NTRK2: variants seen among roughly 807,000 people sequenced by gnomAD.
NTRK2 encodes BDNF/NT-3 growth factors receptor.
Under a neutral mutation model 94.5 loss-of-function variants are expected in NTRK2, and 13 were observed. The observed-to-expected ratio is 0.14, with a 90% confidence interval of 0.09 to 0.22. The LOEUF (loss-of-function observed/expected upper bound fraction) is 0.22. Ranked by LOEUF, NTRK2 falls within the 10% of genes least tolerant of loss-of-function variation. NTRK2 has a pLI of 1.00. For synonymous variants in NTRK2, 372 were observed against 407.4 expected (o/e 0.91, Z 1.05); for missense variants, 639 against 1,071.2 (o/e 0.60, Z 5.63).
At chr9:84,678,400 TCG>T (rs2059188450) in intron 2 of NTRK2, among the ~76,000 whole-genome samples, 1 of 152,340 alleles carries the variant, frequency 6.6e-6, no homozygotes, top group East Asian at 1.9e-4. Flanking sequence ...TTGAAAGGTA[TCG>T]GAATTTTGGT....
intron 17 of NTRK2, among the ~76,000 whole-genome samples, chr9:84,997,111 T>A (rs1476426102): frequency 1.3e-5 from 2 of 152,198 alleles, no homozygotes; most frequent in Non-Finnish European, 2.9e-5. Context: ...GTAAAGCCAG[T>A]GTCTATCAGC....
intron 12 of NTRK2, among the ~76,000 whole-genome samples, chr9:84,758,614 C>T (rs2065279293): frequency 6.6e-6 from 1 of 152,190 alleles, no homozygotes; most frequent in Non-Finnish European, 1.5e-5. Flanking sequence ...TAGTCTCAAA[C>T]TCCCGACCTC....
intron 12 of NTRK2, among the ~76,000 whole-genome samples, chr9:84,854,859 A>C (rs1037022047): frequency 6.8e-6 from 1 of 147,470 alleles, no homozygotes; most frequent in Non-Finnish European, 1.5e-5. Flanking sequence ...AGGCAGGAGA[A>C]TTGCTTAAAC....
In NTRK2 at chr9:84,832,917, C is replaced by T. The variant is rs76733147; in HGVS notation, c.1397-28123C>T. Among the ~76,000 whole-genome samples the T allele has an allele frequency of 7.0e-4, 106 of 152,194 alleles. 3 individuals carry two copies. In the East Asian group the frequency reaches 0.018, roughly 26 times the overall value. On this transcript the variant is annotated intron_variant, in intron 12 of 18. Transcript: ENST00000277120. ...CATAGATAATATCGGCAGCCACCCCCGCACCTGGATAGATTGGATGCGGGC... is the reference window on the plus strand; with the variant it reads ...CATAGATAATATCGGCAGCCACCCCTGCACCTGGATAGATTGGATGCGGGC...
chr9:84,998,578 G>A (rs531017923), intron 17 of NTRK2, among the ~76,000 whole-genome samples: 1 of 152,262 alleles, frequency 6.6e-6, no homozygotes, highest in South Asian at 2.1e-4. Context: ...GGAAAGAGGG[G>A]TGCAGACACG....
At chr9:84,802,054 T>C (rs2070527608) in intron 12 of NTRK2, among the ~76,000 whole-genome samples, 1 of 152,238 alleles carries the variant, frequency 6.6e-6, no homozygotes, top group Non-Finnish European at 1.5e-5. Context: ...AGATCGCCTT[T>C]TCCTTTTAAT....
intron 14 of NTRK2, among the ~76,000 whole-genome samples, chr9:84,915,070 G>T (rs1587917366): frequency 6.6e-6 from 1 of 152,126 alleles, no homozygotes; most frequent in Admixed American, 6.6e-5. Flanking sequence ...CGTATGCGCA[G>T]TTCACCGTAG....
intron 6 of NTRK2, among the ~76,000 whole-genome samples, chr9:84,720,228 C>G (rs990877029): frequency 2.1e-4 from 32 of 152,072 alleles, no homozygotes; most frequent in Non-Finnish European, 2.9e-5. Context: ...ACACCAAACA[C>G]TGTATTGGTT....
intron 12 of NTRK2, among the ~76,000 whole-genome samples, chr9:84,759,486 A>G (rs370777063): frequency 1.1e-4 from 16 of 152,344 alleles, no homozygotes; most frequent in African/African-American, 3.8e-4. Flanking sequence ...GATTCATGTG[A>G]GAGCTCTTGT....
At chr9:84,709,353 G>T (rs1158204524) in intron 5 of NTRK2, among the ~76,000 whole-genome samples, 5 of 152,134 alleles carry the variant, frequency 3.3e-5, no homozygotes, top group Non-Finnish European at 7.4e-5. Flanking sequence ...CTTTTAGAAA[G>T]ACTCTTTAGT....
intron 5 of NTRK2, among the ~76,000 whole-genome samples, chr9:84,708,256 G>A (rs2061229487): frequency 6.6e-6 from 1 of 152,272 alleles, no homozygotes; most frequent in East Asian, 1.9e-4. Flanking sequence ...CACAGCTCTG[G>A]TTTGGTTCCT....
chr9:84,863,305 C>G (rs1036206469), intron 13 of NTRK2, among the ~76,000 whole-genome samples: 2 of 152,090 alleles, frequency 1.3e-5, no homozygotes, highest in Admixed American at 6.5e-5. Flanking sequence ...TGTGACCAAG[C>G]AGACATATTA....
chr9:84,913,108 T>G lies in NTRK2; in HGVS notation c.1634-21054T>G, dbSNP rs1175549335. ...TTGTTTTCTGTTTGTTCTCTTTGAT[T>G]GTTGTTTTTGTTTCTCTTTTGTCTT... On this transcript the variant is annotated intron_variant, in intron 14 of 18. Coordinates refer to ENST00000277120, the MANE Select transcript of NTRK2 (RefSeq NM_006180.6). Among the ~76,000 whole-genome samples, 4 of 152,192 alleles carry G rather than the reference T, an allele frequency of 2.6e-5. No individual in the cohort carries two copies. In the East Asian group the frequency reaches 7.7e-4, roughly 29 times the overall value.
intron 12 of NTRK2, chr9:84,810,901 C>T (rs2071705865): frequency 2.5e-6 from 3 of 1,216,340 alleles, no homozygotes; most frequent in Non-Finnish European, 3.1e-6. Flanking sequence ...TTGTACTTCT[C>T]TTCTGAAAAG....
In NTRK2 at chr9:84,670,619, C is replaced by T; in HGVS notation, c.-130C>T. On this transcript the variant is annotated 5_prime_UTR_variant, in exon 2 of 19. Transcript: ENST00000277120. ...AGCTCAGCCTCTGATAAGCTGGACT[C>T]GGCACGCCCGCAACAAGCACCGAGG... 1 of 904,904 alleles carries T rather than the reference C, an allele frequency of 1.1e-6. No individual in the cohort carries two copies. Among genetic ancestry groups the T allele is most frequent in the Non-Finnish European group, 1.8e-6 (1 of 560,800 alleles). 56.1% of individuals were successfully genotyped at this position (904,904 alleles called of 1,614,324 possible). A position where few individuals can be genotyped will look rare whatever the true frequency, so the allele number is the denominator to read the frequency against.
intron 14 of NTRK2, among the ~76,000 whole-genome samples, chr9:84,902,244 T>C (rs1187573635): frequency 6.6e-6 from 1 of 151,748 alleles, no homozygotes; most frequent in East Asian, 1.9e-4. Flanking sequence ...CCATCAATAC[T>C]ATTGGTGTTT....
chr9:84,952,445 A>AT (rs1291381305), intron 16 of NTRK2, among the ~76,000 whole-genome samples: 1 of 152,086 alleles, frequency 6.6e-6, no homozygotes, highest in Admixed American at 6.5e-5. Context: ...GCTTTTTTTA[A>AT]TTTTGTTATT....
intron 12 of NTRK2, chr9:84,813,537 C>A: frequency 2.8e-6 from 3 of 1,065,242 alleles, no homozygotes; most frequent in Non-Finnish European, 3.4e-6. Flanking sequence ...GCTTTGTTAC[C>A]ACAAGCTAAG....
At chr9:84,678,372 C>G (rs965516441) in intron 2 of NTRK2, among the ~76,000 whole-genome samples, 1 of 152,178 alleles carries the variant, frequency 6.6e-6, no homozygotes, top group Non-Finnish European at 1.5e-5. Context: ...TCAACATAAA[C>G]GAACAATGTA....
Sources: allele counts gnomAD v4.1 joint callset (sites outside exome capture counted in the v4.1 genomes callset), GRCh38; gene constraint gnomAD v4.1.1; transcripts MANE v1.5; gene names NCBI Gene and HGNC (gene_info 2026-07-23, HGNC 2026-07-21).